Variants in ARHGEF17 observed in about 807,000 individuals in gnomAD.
ARHGEF17 encodes 164 kDa Rho-specific guanine-nucleotide exchange factor.
A neutral mutation model predicts 174.0 loss-of-function variants in ARHGEF17; 80 were observed. The observed-to-expected ratio is 0.46, with a 90% CI of 0.38 to 0.55. The LOEUF (loss-of-function observed/expected upper bound fraction) is 0.55, where lower values mean the gene tolerates loss of function less well. ARHGEF17 is among the 20% of genes least tolerant of loss of function. ARHGEF17 has a pLI of 0.00. For missense variants in ARHGEF17, 2,886 were observed against 2,839.7 expected (o/e 1.02, Z -0.37); for synonymous variants, 1,311 against 1,189.1 (o/e 1.10, Z -2.11).
In ARHGEF17 at chr11:73,357,010, C is replaced by T. The variant is rs764904189; in HGVS notation, c.3892-15C>T. ...CTGTGTCCACCCAGCCTGAATTCTG[C>T]CTTGGGCTCCACAGAAGGCGATCGG... On this transcript the variant is annotated splice_polypyrimidine_tract_variant and intron_variant, in intron 7 of 20. Coordinates refer to ENST00000263674, the MANE Select transcript of ARHGEF17 (RefSeq NM_014786.4). 1.2e-6 allele frequency: 2 copies of T among 1,613,372 alleles called. No homozygotes were observed. The highest frequency in any genetic ancestry group is 2.7e-5 in the African/African-American group (2 of 74,904).
At chr11:73,356,082 T>A in intron 5 of ARHGEF17, 93 bp from the exon 6 acceptor site, 25 of 1,573,588 alleles carry the variant, frequency 1.6e-5, no homozygotes, top group Non-Finnish European at 2.2e-5. Flanking sequence ...AAGATAGTCC[T>A]CTTTGGTGTC....
intron 3 of ARHGEF17, among the ~76,000 whole-genome samples, chr11:73,354,705 G>A (rs1188907204): frequency 2.1e-5 from 3 of 145,554 alleles, no homozygotes; most frequent in Non-Finnish European, 4.5e-5. Context: ...GACAGAGTGA[G>A]ACTCCGTCTC....
Position 73,310,039 on chromosome 11 carries a change from C to A in ARHGEF17, c.1401C>A (p.Ile467=). ...RQRKSLSNPD[I]ASETLTLLSF... ...GGAAGTCCCTGTCAAATCCAGATATCGCCTCAGAGACCCTGACGCTTCTCA... is the reference window on the plus strand; with the variant it reads ...GGAAGTCCCTGTCAAATCCAGATATAGCCTCAGAGACCCTGACGCTTCTCA... The change falls in exon 1 of 21, where the codon ATC becomes ATA. Residue 467 remains isoleucine, a synonymous_variant. Coordinates refer to ENST00000263674, the MANE Select transcript of ARHGEF17 (RefSeq NM_014786.4). 1 of 1,614,000 alleles carries A rather than the reference C, an allele frequency of 6.2e-7. No homozygotes were observed. The highest frequency in any genetic ancestry group is 8.5e-7 in the Non-Finnish European group (1 of 1,179,996).
Position 73,311,422 on chromosome 11 carries a change from G to C in ARHGEF17, c.2784G>C (p.Arg928=), listed in dbSNP as rs750336310. Residue 928 remains arginine (R), a synonymous_variant, in exon 1 of 21, where the codon CGG becomes CGC. Transcript: ENST00000263674. ...GAGGCTCCAAGAAGCGCCCAGCTCG[G>C]AGTAGTCACCAGGAGCTTCGGAGAG... The part of the protein sequence containing the change: ...IRRGSKKRPA[R]SSHQELRRDE... The C allele has an allele frequency of 1.2e-6, 2 of 1,613,354 alleles. No homozygotes were observed. Among genetic ancestry groups the C allele is most frequent in the Admixed American group, 1.7e-5 (1 of 60,032 alleles).
At position 73,309,487 on chromosome 11, in the gene ARHGEF17, T is replaced by G; in HGVS notation, c.849T>G (p.Gly283=). The change falls in exon 1 of 21, where the codon GGT becomes GGG. Residue 283 remains glycine, a synonymous_variant. Transcript: ENST00000263674. ...HSSGSDDDRD[G]EGGHRWGGRP... ...CGGGCAGTGACGACGACCGAGACGG[T>G]GAGGGCGGCCACCGCTGGGGAGGGA... The G allele has an allele frequency of 2.6e-6, 4 of 1,535,822 alleles. No homozygotes were observed. The highest frequency in any genetic ancestry group is 2.5e-5 in the South Asian group (2 of 80,712).
At chr11:73,338,630 T>C (rs1169747513) in intron 1 of ARHGEF17, among the ~76,000 whole-genome samples, 2 of 152,066 alleles carry the variant, frequency 1.3e-5, no homozygotes, top group Non-Finnish European at 2.9e-5. Flanking sequence ...AATCTGTTCA[T>C]GTCACTGTCT....
rs770607033 is a variant in ARHGEF17, at chr11:73,308,737, G to A, written c.99G>A (p.Thr33=). 21 of 1,504,566 alleles carry A rather than the reference G, an allele frequency of 1.4e-5. No individual in the cohort carries two copies. In the East Asian group the frequency reaches 2.0e-4, roughly 14 times the overall value. 93.2% of individuals were successfully genotyped at this position (1,504,566 alleles called of 1,614,324 possible). The change falls in exon 1 of 21, where the codon ACG becomes ACA. Residue 33 remains threonine (T), a synonymous_variant. Coordinates refer to ENST00000263674, the MANE Select transcript of ARHGEF17 (RefSeq NM_014786.4). ...GCCCCGGGCTGAGGGAGGAGGACAC[G>A]GACACCCCCGGCTTGAGGCGACGCG... The part of the protein sequence containing the change: ...SGGPGLREED[T]DTPGLRRRAS...
intron 1 of ARHGEF17, among the ~76,000 whole-genome samples, chr11:73,323,605 C>T (rs117202547): frequency 0.014 from 2,085 of 152,330 alleles, 27 homozygotes; most frequent in Non-Finnish European, 0.019. Context: ...GATGCCTGAG[C>T]GCCCTCCCAG....
chr11:73,347,240 C>G (rs1378770977), intron 2 of ARHGEF17: 1 of 531,930 alleles, frequency 1.9e-6, no homozygotes, highest in Non-Finnish European at 3.4e-6. Context: ...TGACCCTGAA[C>G]TTAGATCCGT....
In ARHGEF17 at chr11:73,309,053, A is replaced by C; in HGVS notation, c.415A>C (p.Arg139=). 1 of 1,484,256 alleles carries C rather than the reference A, an allele frequency of 6.7e-7. No individual in the cohort carries two copies. 91.9% of individuals were successfully genotyped at this position (1,484,256 alleles called of 1,614,324 possible). Residue 139 remains arginine (R), a synonymous_variant, in exon 1 of 21, where the codon AGG becomes CGG. Transcript: ENST00000263674. ...MRKLFGGPGS[R]RPSADSESPG... is the part of the protein sequence containing the mutation. ...CAAGCTCTTCGGCGGTCCTGGCTCC[A>C]GGAGGCCCAGCGCCGACTCTGAATC...
At chr11:73,343,931 C>A (rs1200992224) in intron 1 of ARHGEF17, among the ~76,000 whole-genome samples, 2 of 152,172 alleles carry the variant, frequency 1.3e-5, no homozygotes, top group Non-Finnish European at 2.9e-5. Flanking sequence ...CGTGACCTGG[C>A]TGCGTTTTTT....
chr11:73,366,057 C>T, intron 20 of ARHGEF17, 110 bp downstream of exon 20: 1 of 1,384,782 alleles, frequency 7.2e-7, no homozygotes, highest in Non-Finnish European at 9.7e-7. Flanking sequence ...TCACATAGAG[C>T]TGGAGGTGGC....
chr11:73,309,186 G>A lies in ARHGEF17; in HGVS notation c.548G>A (p.Arg183His). 7 of 1,589,198 alleles carry A rather than the reference G, an allele frequency of 4.4e-6. No individual in the cohort carries two copies. Among genetic ancestry groups the A allele is most frequent in the Non-Finnish European group, 6.0e-6 (7 of 1,167,692 alleles). Reference sequence around the variant, plus strand: ...ACATGCTTCCCCCTGGCGGGTCTGCGTTCGGCGCGGCCCCTGACCGGGCCG... The same window carrying A: ...ACATGCTTCCCCCTGGCGGGTCTGCATTCGGCGCGGCCCCTGACCGGGCCG... The part of the protein sequence containing the change: ...PRTCFPLAGL[R>H]SARPLTGPET... Residue 183 changes from arginine to histidine, a missense_variant, in exon 1 of 21, where the codon CGT (arginine) becomes CAT (histidine). By Grantham distance (29) the Arg-to-His change is conservative. This residue lies in a region of ARHGEF17 where 1,728 missense variants were observed against 1,461.2 expected (regional missense o/e 1.18). Coordinates refer to ENST00000263674, the MANE Select transcript of ARHGEF17 (RefSeq NM_014786.4).
chr11:73,347,931 G>A (rs1397033218), intron 2 of ARHGEF17, among the ~76,000 whole-genome samples: 1 of 152,190 alleles, frequency 6.6e-6, no homozygotes. Flanking sequence ...GCAAGGTGGG[G>A]AAGCCCAAGA....
At chr11:73,366,183 G>T (rs1591766577) in intron 20 of ARHGEF17, among the ~76,000 whole-genome samples, 1 of 152,144 alleles carries the variant, frequency 6.6e-6, no homozygotes, top group African/African-American at 2.4e-5. Context: ...TCTATCCAGA[G>T]AAATGTCATG....
intron 4 of ARHGEF17, 23 bp downstream of exon 4, chr11:73,355,672 G>A: frequency 6.2e-7 from 1 of 1,605,502 alleles, no homozygotes; most frequent in Non-Finnish European, 8.5e-7. Flanking sequence ...AGGGCAGGGG[G>A]ATGGAGGTGA....
rs770301985 is a variant in ARHGEF17, at chr11:73,309,574, G to A, written c.936G>A (p.Gly312=). 6.2e-7 allele frequency: 1 copy of A among 1,611,498 alleles called. No individual in the cohort carries two copies. The highest frequency in any genetic ancestry group is 8.5e-7 in the Non-Finnish European group (1 of 1,178,812). Reference sequence around the variant, plus strand: ...AGGACTGCAGGCCTGACAGTGATGGGTTAAATCTAAGCAGCATGAACTCAG... The same window carrying A: ...AGGACTGCAGGCCTGACAGTGATGGATTAAATCTAAGCAGCATGAACTCAG... The part of the protein sequence containing the change: ...LDQDCRPDSD[G]LNLSSMNSAG... The change falls in exon 1 of 21, where the codon GGG becomes GGA. Residue 312 remains glycine, a synonymous_variant. Coordinates refer to ENST00000263674, the MANE Select transcript of ARHGEF17 (RefSeq NM_014786.4).
rs1359588812 is a variant in ARHGEF17 at position 73,346,121 on chromosome 11, C to A, written c.3193-762C>A. Among the ~76,000 whole-genome samples, 6 of 152,222 alleles carry A rather than the reference C, an allele frequency of 3.9e-5. No individual in the cohort carries two copies. The East Asian group carries it at 9.6e-4, about 24-fold the overall frequency. On this transcript the variant is annotated intron_variant, in intron 1 of 20. Coordinates refer to ENST00000263674, the MANE Select transcript of ARHGEF17 (RefSeq NM_014786.4). The stretch of plus-strand genomic sequence containing the variant: ...CCCTTGGGGACTCAGTAATTCAGGT[C>A]ATCAGATCCATAGGTTGGAGGCATC...
chr11:73,341,862 G>A (rs919050692), intron 1 of ARHGEF17, among the ~76,000 whole-genome samples: 1 of 152,258 alleles, frequency 6.6e-6, no homozygotes, highest in Admixed American at 6.5e-5. Flanking sequence ...GGCTTGGTGA[G>A]CGTGGCAGCG....
Sources: allele counts gnomAD v4.1 joint callset (sites outside exome capture counted in the v4.1 genomes callset), GRCh38; gene constraint gnomAD v4.1.1; regional missense constraint gnomAD v4.1.1; transcripts MANE v1.5; gene names NCBI Gene and HGNC (gene_info 2026-07-23, HGNC 2026-07-21).